Variants in SRL observed in about 807,000 individuals in gnomAD.
The protein encoded by SRL is sarcalumenin.
Under a neutral mutation model 39.5 loss-of-function variants are expected in SRL, and 23 were observed. The ratio of observed to expected loss-of-function variants is 0.58; its 90% CI spans 0.42 to 0.82. The LOEUF is 0.82. Ranked by LOEUF, SRL falls within the 40% of genes least tolerant of loss-of-function variation. The probability of loss-of-function intolerance (pLI) is 0.00; values close to 1 mark genes in which losing one functional copy is unlikely to be tolerated. For missense variants in SRL, 592 were observed against 607.8 expected, an observed-to-expected ratio of 0.97 and a Z score of 0.27; for synonymous variants, 272 against 237.4, an observed-to-expected ratio of 1.15 and a Z score of -1.34.
chr16:4,228,199 A>G (rs994713441), intron 1 of SRL, among the ~76,000 whole-genome samples: 5 of 144,192 alleles, frequency 3.5e-5, no homozygotes, highest in African/African-American at 7.4e-5. Context: ...AGCACTTTGG[A>G]AGACTGAGGC....
chr16:4,191,981 C>T lies in SRL; in HGVS notation c.*172G>A. On this transcript the variant is annotated 3_prime_UTR_variant, in exon 6 of 6. Coordinates refer to ENST00000399609, the MANE Select transcript of SRL (RefSeq NM_001098814.2). ...CACACAGGAATTCACAGTTTCCACT[C>T]TCCTCCCTAGACCCACACACCTGCC... The T allele has an allele frequency of 1.5e-6, 1 of 645,842 alleles. No homozygotes were observed. The highest frequency in any genetic ancestry group is 2.6e-6 in the Non-Finnish European group (1 of 390,202). The allele number at this position is 645,842 out of a possible 1,614,324, so 40.0% of individuals were successfully genotyped here.
rs2052170750 is a variant in SRL at position 4,197,880 on chromosome 16, G to A, written c.295C>T (p.Leu99=). The A allele has an allele frequency of 1.9e-6, 3 of 1,613,908 alleles. No individual in the cohort carries two copies. Among genetic ancestry groups the A allele is most frequent in the Non-Finnish European group, 2.5e-6 (3 of 1,179,880 alleles). The change falls in exon 4 of 6, where the codon CTG becomes TTG. Residue 99 remains leucine (L), a synonymous_variant. Transcript: ENST00000399609. ...EITSKPMVLF[L]GPWSVGKSTM... ...GATTTACCAACACTCCACGGTCCCAGGAACAGTACCATGGGCTTGGAGGTA... is the reference window on the plus strand; with the variant it reads ...GATTTACCAACACTCCACGGTCCCAAGAACAGTACCATGGGCTTGGAGGTA...
intron 1 of SRL, among the ~76,000 whole-genome samples, chr16:4,227,043 G>GATGA (rs2052598713): frequency 2.1e-5 from 2 of 97,280 alleles, no homozygotes; most frequent in African/African-American, 4.0e-5. Flanking sequence ...CTGATGGATG[G>GATGA]ATGGATGAAT....
At chr16:4,221,521 A>C (rs2052530590) in intron 1 of SRL, among the ~76,000 whole-genome samples, 1 of 152,166 alleles carries the variant, frequency 6.6e-6, no homozygotes, top group Non-Finnish European at 1.5e-5. Flanking sequence ...CCCGGTCAAC[A>C]CTGAGAGCCA....
chr16:4,196,838 T>A (rs2052153091), intron 4 of SRL, among the ~76,000 whole-genome samples: 1 of 152,150 alleles, frequency 6.6e-6, no homozygotes, highest in Non-Finnish European at 1.5e-5. Flanking sequence ...GTCTTCTTTC[T>A]TTTAGCATAA....
intron 1 of SRL, among the ~76,000 whole-genome samples, chr16:4,225,879 G>T (rs1226435043): frequency 1.3e-5 from 2 of 151,994 alleles, no homozygotes; most frequent in African/African-American, 2.4e-5. Context: ...ACGGTGACCT[G>T]GAGGCCCACA....
At chr16:4,222,110 C>T (rs1340562312) in intron 1 of SRL, among the ~76,000 whole-genome samples, 1 of 152,226 alleles carries the variant, frequency 6.6e-6, no homozygotes, top group Non-Finnish European at 1.5e-5. Flanking sequence ...GCCCACACCA[C>T]CACCTGCCTA....
chr16:4,204,573 G>A lies in SRL; in HGVS notation c.123C>T (p.Thr41=). The A allele has an allele frequency of 1.2e-6, 2 of 1,614,204 alleles. No homozygotes were observed. The highest frequency in any genetic ancestry group is 1.7e-6 in the Non-Finnish European group (2 of 1,180,036). The change falls in exon 2 of 6, where the codon ACC becomes ACT. Residue 41 remains threonine (T), a synonymous_variant. Coordinates refer to ENST00000399609, the MANE Select transcript of SRL (RefSeq NM_001098814.2). ...ATGGCTTGTCCTCATTCAGCATGAG[G>A]GTCTTCTCGATGTGGGAGCGGTCCC... ...PLRDRSHIEK[T]LMLNEDKPSD... is the part of the protein sequence containing the mutation.
At chr16:4,235,855 G>A (rs1195161737) in intron 1 of SRL, among the ~76,000 whole-genome samples, 2 of 152,202 alleles carry the variant, frequency 1.3e-5, no homozygotes, top group African/African-American at 2.4e-5. Flanking sequence ...TTGGGAGGCC[G>A]AGGTGAGCGG....
chr16:4,218,713 C>G (rs1246110607), intron 1 of SRL, among the ~76,000 whole-genome samples: 2 of 152,230 alleles, frequency 1.3e-5, no homozygotes, highest in African/African-American at 4.8e-5. Context: ...TGCCAGACAA[C>G]AGGGCGCACA....
Position 4,192,899 on chromosome 16 carries a change from C to A in SRL, c.676G>T (p.Asp226Tyr), listed in dbSNP as rs1460969066. 1 of 1,614,064 alleles carries A rather than the reference C, an allele frequency of 6.2e-7. No individual in the cohort carries two copies. The highest frequency in any genetic ancestry group is 1.7e-5 in the Admixed American group (1 of 60,010). ...AGACCCACATCCAGCTTTGTTGGGT[C>A]AAAGACGACAAAGATGAGGTCAGCT... The part of the protein sequence containing the change: ...DRADLIFVVF[D>Y]PTKLDVGLEL... Residue 226 changes from aspartate (D) to tyrosine (Y), a missense_variant, in exon 6 of 6, where the codon GAC becomes TAC. Asp to Tyr is a radical substitution (Grantham distance 160, BLOSUM62 -3). Coordinates refer to ENST00000399609, the MANE Select transcript of SRL (RefSeq NM_001098814.2). This position sits in a 1 kb window ranked among gnomAD's most constrained non-coding sequence, Gnocchi z 4.0.
intron 2 of SRL, among the ~76,000 whole-genome samples, chr16:4,203,562 C>T (rs923167644): frequency 3.3e-5 from 5 of 152,298 alleles, no homozygotes; most frequent in African/African-American, 9.6e-5. Flanking sequence ...TGCTCTGTCA[C>T]CCAGGCTGGA....
rs2052069848 is a variant in SRL at position 4,191,884 on chromosome 16, A to G, written c.*269T>C. 2.3e-6 allele frequency: 1 copy of G among 428,018 alleles called. No individual in the cohort carries two copies. The highest frequency in any genetic ancestry group is 4.1e-6 in the Non-Finnish European group (1 of 242,690). The allele number at this position is 428,018 out of a possible 1,614,324, so 26.5% of individuals were successfully genotyped here. On this transcript the variant is annotated 3_prime_UTR_variant, in exon 6 of 6. Transcript: ENST00000399609. ...TTTAGCTGCTCTCTGTCCTTCCAAG[A>G]CAGGACCCAGGAAAAGCAGGTGGAG...
At chr16:4,201,637 TTTTGTTTGTTTGTTTGTTTGTTTG>T (rs3081045) in intron 3 of SRL, among the ~76,000 whole-genome samples, 2 of 122,144 alleles carry the variant, frequency 1.6e-5, no homozygotes. Context: ...TGTGTGTGTG[TTTTGTTTGTTTGTTTGTTTGTTTG>T]TTTGTTTGTT....
chr16:4,242,069 G>T lies in SRL; in HGVS notation c.-2C>A. ...GCCGAGCAGGACCAGCGCCCTCATGGTGACTGCCAAGAGAGCCCAGCTGCT... is the reference window on the plus strand; with the variant it reads ...GCCGAGCAGGACCAGCGCCCTCATGTTGACTGCCAAGAGAGCCCAGCTGCT... On this transcript the variant is annotated 5_prime_UTR_variant, in exon 1 of 6. Coordinates refer to ENST00000399609, the MANE Select transcript of SRL (RefSeq NM_001098814.2). The T allele has an allele frequency of 6.2e-7, 1 of 1,610,604 alleles. No homozygotes were observed. Among genetic ancestry groups the T allele is most frequent in the East Asian group, 2.2e-5 (1 of 44,840 alleles).
intron 4 of SRL, among the ~76,000 whole-genome samples, chr16:4,197,060 CTTTTT>C (rs1172658613): frequency 2.3e-5 from 2 of 85,914 alleles, no homozygotes; most frequent in Admixed American, 1.6e-4. Flanking sequence ...TCCAAATTTT[CTTTTT>C]TTTTTTTTTT....
chr16:4,197,653 A>G, intron 4 of SRL, 146 bp downstream of exon 4: 3 of 652,078 alleles, frequency 4.6e-6, no homozygotes, highest in Non-Finnish European at 8.3e-6. Flanking sequence ...TCTCAAACTG[A>G]CGGCCTCAAG....
chr16:4,203,963 C>G lies in SRL; in HGVS notation c.163+570G>C, dbSNP rs542040169. On this transcript the variant is annotated intron_variant, in intron 2 of 5. Coordinates refer to ENST00000399609, the MANE Select transcript of SRL (RefSeq NM_001098814.2). ...TGGGGTCAGATAACCCAGGTGGCCTCTTTCTAAGAGTTAGCTCCCTGCTGG... is the reference window on the plus strand; with the variant it reads ...TGGGGTCAGATAACCCAGGTGGCCTGTTTCTAAGAGTTAGCTCCCTGCTGG... 3.4e-3 allele frequency among the ~76,000 whole-genome samples: 513 copies of G among 152,344 alleles called. 7 individuals are homozygous for G. Among genetic ancestry groups the G allele is most frequent in the African/African-American group, 0.012 (482 of 41,582 alleles).
At chr16:4,194,452 CT>C (rs1169292965) in intron 5 of SRL, among the ~76,000 whole-genome samples, 1 of 152,176 alleles carries the variant, frequency 6.6e-6, no homozygotes, top group Non-Finnish European at 1.5e-5. Context: ...AAGAAGCCTG[CT>C]AAAGGCTTAT....
Sources: allele counts gnomAD v4.1 joint callset (sites outside exome capture counted in the v4.1 genomes callset), GRCh38; gene constraint gnomAD v4.1.1; non-coding constraint Gnocchi (gnomAD v3.1); transcripts MANE v1.5; gene names NCBI Gene and HGNC (gene_info 2026-07-23, HGNC 2026-07-21).